Variants in NUDT5 observed in about 807,000 individuals in gnomAD.
The protein encoded by NUDT5 is nudix hydrolase 5.
NUDT5 carries 21 observed loss-of-function variants against 34.1 expected under a neutral mutation model. The observed-to-expected ratio is 0.62, with a 90% CI of 0.44 to 0.89. The LOEUF is 0.89. Among genes scored for constraint, NUDT5 ranks in the 40% least tolerant of loss-of-function variants. NUDT5 has a pLI of 0.00. For synonymous variants in NUDT5, 85 were observed against 97.6 expected (o/e 0.87, Z 0.76); for missense variants, 249 against 274.8 (o/e 0.91, Z 0.66).
At chr10:12,176,163 C>T (rs1291189475) in intron 5 of NUDT5, among the ~76,000 whole-genome samples, 3 of 149,678 alleles carry the variant, frequency 2.0e-5, no homozygotes, top group Non-Finnish European at 1.5e-5. Flanking sequence ...TGCCATTGCA[C>T]TCCAGCCTGG....
At position 12,172,751 on chromosome 10, in the gene NUDT5, C is replaced by T. The variant is rs771584107; in HGVS notation, c.487+14G>A. On this transcript the variant is annotated intron_variant, in intron 7 of 9. Transcript: ENST00000491614. ...GCAACCACACCACCTTCATCACAGC[C>T]GACACACACATACCTGGCTTTGGCT... 2.8e-5 allele frequency: 44 copies of T among 1,594,738 alleles called. No individual in the cohort carries two copies. The highest frequency in any genetic ancestry group is 4.0e-5 in the African/African-American group (3 of 74,560).
rs572830392 is a variant in NUDT5 at position 12,182,704 on chromosome 10, C to A, written c.131+2185G>T. On this transcript the variant is annotated intron_variant, in intron 3 of 9. Transcript: ENST00000491614. The surrounding 1 kb of genome is among the most constrained non-coding windows in gnomAD (Gnocchi z 4.3). ...CAGGAAGGGCAGAAGACCAGTCAGG[C>A]GAAGAGATGAGCTGGCGCGAACACA... 6.6e-6 allele frequency among the ~76,000 whole-genome samples: 1 copy of A among 152,114 alleles called. No individual in the cohort carries two copies. Among genetic ancestry groups the A allele is most frequent in the Non-Finnish European group, 1.5e-5 (1 of 68,006 alleles).
At chr10:12,192,809 C>T (rs1384593922) in intron 1 of NUDT5, among the ~76,000 whole-genome samples, 2 of 152,038 alleles carry the variant, frequency 1.3e-5, no homozygotes, top group African/African-American at 2.4e-5. Flanking sequence ...CAAGATTGCA[C>T]CACTGCATTC....
intron 1 of NUDT5, among the ~76,000 whole-genome samples, chr10:12,189,329 C>T (rs542055890): frequency 6.6e-6 from 1 of 152,306 alleles, no homozygotes; most frequent in South Asian, 2.1e-4. Flanking sequence ...TGGCCTCGAA[C>T]TCCTGACCTC....
rs563887267 is a variant in NUDT5, at chr10:12,170,225, C to T, written c.550+492G>A. 134 of 1,605,968 alleles carry T rather than the reference C, an allele frequency of 8.3e-5. No individual in the cohort carries two copies. The highest frequency in any genetic ancestry group is 1.1e-4 in the Non-Finnish European group (130 of 1,173,930). On this transcript the variant is annotated intron_variant, in intron 9 of 9. Transcript: ENST00000491614. This position sits in a 1 kb window ranked among gnomAD's most constrained non-coding sequence, Gnocchi z 4.9. ...CCAGTGATTTCTAAGGGCCACACAG[C>T]TGGTTTGGTTTATTATGTGAAAAGC...
chr10:12,178,679 G>A (rs560702213), intron 4 of NUDT5, among the ~76,000 whole-genome samples: 6 of 152,198 alleles, frequency 3.9e-5, no homozygotes, highest in Non-Finnish European at 8.8e-5. Flanking sequence ...AATTAATTCC[G>A]TGTCCTCATC....
Position 12,175,663 on chromosome 10 carries a change from C to T in NUDT5, c.290-1850G>A, listed in dbSNP as rs1013739555. On this transcript the variant is annotated intron_variant, in intron 5 of 9. Coordinates refer to ENST00000491614, the MANE Select transcript of NUDT5 (RefSeq NM_014142.4). This position sits in a 1 kb window ranked among gnomAD's most constrained non-coding sequence, Gnocchi z 4.8. ...TCTCAAAAAAAGAGCCCGGGCATGG[C>T]GGCTCACACCTGTAATCTTAGCACT... Among the ~76,000 whole-genome samples, 4 of 151,278 alleles carry T rather than the reference C, an allele frequency of 2.6e-5. No individual in the cohort carries two copies. Among genetic ancestry groups the T allele is most frequent in the South Asian group, 2.1e-4 (1 of 4,760 alleles).
chr10:12,174,028 A>G (rs1000784187), intron 5 of NUDT5, among the ~76,000 whole-genome samples: 2 of 151,990 alleles, frequency 1.3e-5, no homozygotes, highest in African/African-American at 4.8e-5. Flanking sequence ...CACCACGCCC[A>G]GCTAATTTTT....
chr10:12,189,919 A>G (rs1835194370), intron 1 of NUDT5, among the ~76,000 whole-genome samples: 1 of 146,442 alleles, frequency 6.8e-6, no homozygotes, highest in Admixed American at 6.9e-5. Context: ...TTTGAGACAG[A>G]GTCTTGCCTT....
At chr10:12,177,024 A>T (rs1834961582) in intron 5 of NUDT5, among the ~76,000 whole-genome samples, 1 of 151,864 alleles carries the variant, frequency 6.6e-6, no homozygotes, top group South Asian at 2.1e-4. Context: ...CAGGAGGCTG[A>T]GGCAGGAGAA....
intron 1 of NUDT5, among the ~76,000 whole-genome samples, chr10:12,192,263 C>T (rs1167914587): frequency 6.6e-6 from 1 of 151,210 alleles, no homozygotes; most frequent in Non-Finnish European, 1.5e-5. Flanking sequence ...GAGATCATGC[C>T]ACTACACTCC....
At position 12,173,870 on chromosome 10, in the gene NUDT5, CCTTT is replaced by C. The variant is rs1282166964; in HGVS notation, c.290-61_290-58del. ...CGGGAAATCCGGTTCTTTAAACCCT[CCTTT>C]TTTTTTTTTTGAGATGGAGTCTCAC... is the stretch of plus-strand genomic sequence containing the variant. On this transcript the variant is annotated intron_variant, in intron 5 of 9. Coordinates refer to ENST00000491614, the MANE Select transcript of NUDT5 (RefSeq NM_014142.4). The surrounding 1 kb of genome is among the most constrained non-coding windows in gnomAD (Gnocchi z 4.7). 121 of 1,121,782 alleles carry C rather than the reference CCTTT, an allele frequency of 1.1e-4. No homozygotes were observed. The highest frequency in any genetic ancestry group is 1.4e-4 in the Non-Finnish European group (113 of 816,010). 69.5% of individuals were successfully genotyped at this position (1,121,782 alleles called of 1,614,324 possible). A position where few individuals can be genotyped will look rare whatever the true frequency, so the allele number is the denominator to read the frequency against.
At chr10:12,194,956 A>G (rs1835306547) in intron 1 of NUDT5, among the ~76,000 whole-genome samples, 1 of 152,320 alleles carries the variant, frequency 6.6e-6, no homozygotes, top group South Asian at 2.1e-4. Context: ...TAAGGTTAGG[A>G]GTTCGAGACC....
Position 12,182,903 on chromosome 10 carries a change from A to G in NUDT5, c.131+1986T>C, listed in dbSNP as rs1835067757. On this transcript the variant is annotated intron_variant, in intron 3 of 9. Coordinates refer to ENST00000491614, the MANE Select transcript of NUDT5 (RefSeq NM_014142.4). The surrounding 1 kb of genome is among the most constrained non-coding windows in gnomAD (Gnocchi z 4.3). ...AGGCGCATGCCACCACGCTGGGCTA[A>G]TTTTTGTATTTTTAGTAGAGACGGG... Among the ~76,000 whole-genome samples the G allele has an allele frequency of 2.0e-5, 3 of 152,168 alleles. No individual in the cohort carries two copies. In the South Asian group the frequency reaches 6.2e-4, roughly 32 times the overall value.
Position 12,168,006 on chromosome 10 carries a change from A to C in NUDT5, c.551-195T>G. On this transcript the variant is annotated intron_variant, in intron 9 of 9. Coordinates refer to ENST00000491614, the MANE Select transcript of NUDT5 (RefSeq NM_014142.4). This position sits in a 1 kb window ranked among gnomAD's most constrained non-coding sequence, Gnocchi z 4.8. Reference sequence around the variant, plus strand: ...GGCAAGATTACATTCCTAGCATGAGACAAGAACATCAGGGATAATGATTTT... The same window carrying C: ...GGCAAGATTACATTCCTAGCATGAGCCAAGAACATCAGGGATAATGATTTT... 9.5e-7 allele frequency: 1 copy of C among 1,052,128 alleles called. No homozygotes were observed. The highest frequency in any genetic ancestry group is 1.3e-6 in the Non-Finnish European group (1 of 791,462). 65.2% of individuals were successfully genotyped at this position (1,052,128 alleles called of 1,614,324 possible).
In NUDT5 at chr10:12,168,802, C is replaced by T. The variant is rs1048476266; in HGVS notation, c.551-991G>A. ...TTTTTGAGATGGAGTCTCACTTTGT[C>T]GCCAGGCTGCAGTGCAGTGCCACGA... is the stretch of plus-strand genomic sequence containing the variant. On this transcript the variant is annotated intron_variant, in intron 9 of 9. Coordinates refer to ENST00000491614, the MANE Select transcript of NUDT5 (RefSeq NM_014142.4). The surrounding 1 kb of genome is among the most constrained non-coding windows in gnomAD (Gnocchi z 4.8). Among the ~76,000 whole-genome samples the T allele has an allele frequency of 7.2e-5, 11 of 151,826 alleles. No individual in the cohort carries two copies. Among genetic ancestry groups the T allele is most frequent in the African/African-American group, 1.5e-4 (6 of 41,278 alleles).
At position 12,166,969 on chromosome 10, in the gene NUDT5, C is replaced by G. The variant is rs1354152506; in HGVS notation, c.*733G>C. On this transcript the variant is annotated 3_prime_UTR_variant, in exon 10 of 10. Coordinates refer to ENST00000491614, the MANE Select transcript of NUDT5 (RefSeq NM_014142.4). The stretch of plus-strand genomic sequence containing the variant: ...TACTGCCCCAAACATGTCAGTCTTA[C>G]AGATTTGTTTTCAGAAACTTCAAGT... 3 of 225,090 alleles carry G rather than the reference C, an allele frequency of 1.3e-5. No individual in the cohort carries two copies. Among genetic ancestry groups the G allele is most frequent in the African/African-American group, 7.0e-5 (3 of 43,086 alleles). The allele number at this position is 225,090 out of a possible 1,614,324, so 13.9% of individuals were successfully genotyped here.
At chr10:12,167,926 C>A in intron 9 of NUDT5, 115 bp from the exon 10 acceptor site, 1 of 1,463,828 alleles carries the variant, frequency 6.8e-7, no homozygotes. Context: ...ATGCTAGATG[C>A]TGGTGATAAC....
At chr10:12,178,446 G>A (rs1319999727) in intron 4 of NUDT5, among the ~76,000 whole-genome samples, 1 of 152,218 alleles carries the variant, frequency 6.6e-6, no homozygotes, top group Non-Finnish European at 1.5e-5. Flanking sequence ...GCACCCAGGA[G>A]GGTCCCCTGG....
Sources: gnomAD v4.1 joint callset for allele counts (sites outside exome capture counted in the v4.1 genomes callset) on GRCh38, gnomAD v4.1.1 for gene constraint, Gnocchi (gnomAD v3.1) non-coding constraint, MANE v1.5 for transcripts, NCBI Gene and HGNC (gene_info 2026-07-23, HGNC 2026-07-21) for gene names.